The following SLIT1 variants were observed in gnomAD, a reference collection of about 807,000 sequenced individuals.
SLIT1 encodes slit homolog 1 protein.
Under a neutral mutation model 186.1 loss-of-function variants are expected in SLIT1, and 66 were observed. The ratio of observed to expected loss-of-function variants is 0.35; its 90% confidence interval spans 0.29 to 0.44. The LOEUF is 0.44. Among genes scored for constraint, SLIT1 ranks in the 20% least tolerant of loss-of-function variants. The probability of loss-of-function intolerance (pLI) is 1.00; values close to 1 mark genes in which losing one functional copy is unlikely to be tolerated. For missense variants in SLIT1, 1,638 were observed against 2,037.4 expected, an observed-to-expected ratio of 0.80 and a Z score of 3.77; for synonymous variants, 761 against 833.8, an observed-to-expected ratio of 0.91 and a Z score of 1.50.
intron 4 of SLIT1, among the ~76,000 whole-genome samples, chr10:97,087,369 C>T (rs1245771921): frequency 6.6e-6 from 1 of 152,234 alleles, no homozygotes; most frequent in Non-Finnish European, 1.5e-5. Flanking sequence ...CCTCCCTGTT[C>T]CCCCAAACAA....
At chr10:97,108,752 G>T (rs927469121) in intron 4 of SLIT1, among the ~76,000 whole-genome samples, 1 of 152,148 alleles carries the variant, frequency 6.6e-6, no homozygotes, top group Non-Finnish European at 1.5e-5. Context: ...GCTGGGCATG[G>T]TGGCATGTGC....
At chr10:97,181,944 T>G (rs144816861) in intron 1 of SLIT1, among the ~76,000 whole-genome samples, 1 of 152,246 alleles carries the variant, frequency 6.6e-6, no homozygotes, top group Non-Finnish European at 1.5e-5. Flanking sequence ...AAAAACCAAG[T>G]CCAACTGAAA....
chr10:97,126,316 G>A (rs1377521594), intron 4 of SLIT1, among the ~76,000 whole-genome samples: 3 of 152,218 alleles, frequency 2.0e-5, no homozygotes, highest in African/African-American at 4.8e-5. Flanking sequence ...TCTTAGAGAC[G>A]AAGACCCCAC....
chr10:97,111,690 G>A (rs1849466051), intron 4 of SLIT1, among the ~76,000 whole-genome samples: 3 of 152,174 alleles, frequency 2.0e-5, no homozygotes, highest in South Asian at 2.1e-4. Flanking sequence ...TCTCTGAAGC[G>A]CCTGGCGTCA....
At chr10:97,140,061 T>C (rs1413574203) in intron 4 of SLIT1, among the ~76,000 whole-genome samples, 1 of 152,176 alleles carries the variant, frequency 6.6e-6, no homozygotes, top group Admixed American at 6.5e-5. Flanking sequence ...AACCCCAGCA[T>C]GGCTTTTCCT....
Position 97,004,545 on chromosome 10 carries a change from G to A in SLIT1, c.3710+148C>T, listed in dbSNP as rs1848342398. 1 of 953,284 alleles carries A rather than the reference G, an allele frequency of 1.0e-6. No individual in the cohort carries two copies. Among genetic ancestry groups the A allele is most frequent in the East Asian group, 2.4e-5 (1 of 41,540 alleles). The allele number at this position is 953,284 out of a possible 1,614,324, so 59.1% of individuals were successfully genotyped here. A position where few individuals can be genotyped will look rare whatever the true frequency, so the allele number is the denominator to read the frequency against. On this transcript the variant is annotated intron_variant, in intron 33 of 36. Transcript: ENST00000266058. The surrounding 1 kb of genome is among the most constrained non-coding windows in gnomAD (Gnocchi z 5.1). ...CCTCAGAGACCTCAGCCCCAAGCTGGGGCTAACCCAGATGGTTCAAGTGTC... is the reference window on the plus strand; with the variant it reads ...CCTCAGAGACCTCAGCCCCAAGCTGAGGCTAACCCAGATGGTTCAAGTGTC...
At chr10:97,083,427 C>T (rs923724731) in intron 4 of SLIT1, among the ~76,000 whole-genome samples, 5 of 152,012 alleles carry the variant, frequency 3.3e-5, no homozygotes, top group South Asian at 2.1e-4. Flanking sequence ...GTATGTATGT[C>T]GGCAGTGACA....
At chr10:97,120,984 G>A (rs1002481994) in intron 4 of SLIT1, among the ~76,000 whole-genome samples, 3 of 152,076 alleles carry the variant, frequency 2.0e-5, no homozygotes, top group Non-Finnish European at 4.4e-5. Context: ...TCTCTCTCCC[G>A]GTTCTGTCCC....
intron 34 of SLIT1, 83 bp from the exon 35 acceptor site, chr10:97,003,075 A>G (rs1023545564): frequency 3.7e-6 from 5 of 1,354,018 alleles, no homozygotes; most frequent in Non-Finnish European, 5.1e-6. Context: ...GGGCAGCTCC[A>G]TGGCCTTCCC....
chr10:97,059,479 G>A lies in SLIT1; in HGVS notation c.1066C>T (p.Leu356Phe). 6.2e-7 allele frequency: 1 copy of A among 1,613,814 alleles called. No individual in the cohort carries two copies. Among genetic ancestry groups the A allele is most frequent in the Non-Finnish European group, 8.5e-7 (1 of 1,179,956 alleles). ...AEIAPDAFQG[L>F]RSLNSLVLYG... is the part of the protein sequence containing the mutation. Reference sequence around the variant, plus strand: ...ACTCACAGCGAGTTCAGGGAGCGGAGGCCCTGGAAGGCGTCGGGTGCAATC... The same window carrying A: ...ACTCACAGCGAGTTCAGGGAGCGGAAGCCCTGGAAGGCGTCGGGTGCAATC... Residue 356 changes from leucine (L) to phenylalanine (F), a missense_variant, in exon 11 of 37, where the codon CTC (leucine) becomes TTC (phenylalanine). Leu to Phe is a conservative substitution (Grantham distance 22). This residue lies in a region of SLIT1 where 1,245 missense variants were observed against 1,535.3 expected (regional missense o/e 0.81). Transcript: ENST00000266058.
chr10:97,099,859 G>A (rs1849332860), intron 4 of SLIT1, among the ~76,000 whole-genome samples: 1 of 152,160 alleles, frequency 6.6e-6, no homozygotes, highest in Admixed American at 6.5e-5. Context: ...GCCAGCCCAG[G>A]GCACACTAGT....
chr10:97,043,677 G>A lies in SLIT1; in HGVS notation c.1854-164C>T, dbSNP rs923152907. On this transcript the variant is annotated intron_variant, in intron 18 of 36. Transcript: ENST00000266058. The surrounding 1 kb of genome is among the most constrained non-coding windows in gnomAD (Gnocchi z 7.0). ...CAGCCAGGCCCCGGCCAGGTGAGGC[G>A]AGTTTTACACACCTGTGCCCACTCC... Among the ~76,000 whole-genome samples, 9 of 152,026 alleles carry A rather than the reference G, an allele frequency of 5.9e-5. No individual in the cohort carries two copies. The highest frequency in any genetic ancestry group is 5.8e-4 in the East Asian group (3 of 5,178).
At chr10:97,059,422 C>G in intron 11 of SLIT1, 38 bp downstream of exon 11, 2 of 1,567,646 alleles carry the variant, frequency 1.3e-6, no homozygotes, top group Non-Finnish European at 8.8e-7. Context: ...TCAGGGGATG[C>G]CCTGGGCCAC....
chr10:97,127,285 CAA>C (rs34328563), intron 4 of SLIT1, among the ~76,000 whole-genome samples: 100 of 131,326 alleles, frequency 7.6e-4, no homozygotes, highest in Non-Finnish European at 1.0e-3. Context: ...GACTCCGTCT[CAA>C]AAAAAAAAAA....
chr10:97,003,626 G>T (rs1437121463), intron 34 of SLIT1, among the ~76,000 whole-genome samples: 1 of 152,160 alleles, frequency 6.6e-6, no homozygotes. Context: ...TGGTAGACGG[G>T]GTCATCTAGC....
rs901299847 is a variant in SLIT1, at chr10:97,185,834, A to G, written c.-160T>C. ...GGCTGGGAGGCACCTTGCTCCTCCA[A>G]GCGACGGCGCCTGTGCGCGGACGGA... On this transcript the variant is annotated 5_prime_UTR_variant, in exon 1 of 37. Coordinates refer to ENST00000266058, the MANE Select transcript of SLIT1 (RefSeq NM_003061.3). 5.1e-6 allele frequency: 3 copies of G among 586,360 alleles called. No individual in the cohort carries two copies. The highest frequency in any genetic ancestry group is 8.2e-6 in the Non-Finnish European group (3 of 366,374). The allele number at this position is 586,360 out of a possible 1,614,324, so 36.3% of individuals were successfully genotyped here.
At chr10:97,105,699 G>A (rs1321788172) in intron 4 of SLIT1, among the ~76,000 whole-genome samples, 2 of 152,174 alleles carry the variant, frequency 1.3e-5, no homozygotes, top group African/African-American at 2.4e-5. Flanking sequence ...GGGCATCTCC[G>A]CAGGGTCTTA....
At chr10:97,034,672 G>C in intron 22 of SLIT1, 130 bp from the exon 23 acceptor site, 1 of 752,594 alleles carries the variant, frequency 1.3e-6, no homozygotes, top group South Asian at 1.5e-5. Context: ...GTGGAGAGGA[G>C]CCCTGGTGCA....
chr10:97,043,264 C>G lies in SLIT1; in HGVS notation c.1997+106G>C. 1 of 1,466,480 alleles carries G rather than the reference C, an allele frequency of 6.8e-7. No individual in the cohort carries two copies. Among genetic ancestry groups the G allele is most frequent in the East Asian group, 2.3e-5 (1 of 44,032 alleles). 90.8% of individuals were successfully genotyped at this position (1,466,480 alleles called of 1,614,324 possible). ...GTGGAACCCACGTTTCAGCAAACCA[C>G]GAAGACCCAGCACCCCCAGGGTGAG... On this transcript the variant is annotated intron_variant, in intron 19 of 36. Coordinates refer to ENST00000266058, the MANE Select transcript of SLIT1 (RefSeq NM_003061.3). The surrounding 1 kb of genome is among the most constrained non-coding windows in gnomAD (Gnocchi z 7.0).
Sources: allele counts gnomAD v4.1 joint callset (sites outside exome capture counted in the v4.1 genomes callset), GRCh38; gene constraint gnomAD v4.1.1; regional missense constraint gnomAD v4.1.1; non-coding constraint Gnocchi (gnomAD v3.1); transcripts MANE v1.5; gene names NCBI Gene and HGNC (gene_info 2026-07-23, HGNC 2026-07-21).